HFM1: variants seen among roughly 807,000 people sequenced by gnomAD.
The protein encoded by HFM1 is helicase for meiosis 1, also known as probable ATP-dependent DNA helicase HFM1.
In HFM1, 169 loss-of-function variants were observed where a neutral mutation model predicts 192.1. That is an observed-to-expected ratio of 0.88 (90% CI 0.78 to 1.00). The LOEUF is 1.00. Ranked by LOEUF, HFM1 falls within the 50% of genes least tolerant of loss-of-function variation. The pLI is 0.00. For missense variants in HFM1, 1,661 were observed against 1,668.0 expected, an observed-to-expected ratio of 1.00 and a Z score of 0.07; for synonymous variants, 525 against 537.8, an observed-to-expected ratio of 0.98 and a Z score of 0.33.
At chr1:91,319,045 T>C (rs1481359068) in intron 25 of HFM1, 33 bp downstream of exon 25, 1 of 1,554,494 alleles carries the variant, frequency 6.4e-7, no homozygotes. Flanking sequence ...ATTGCAGACA[T>C]GGCCAAACTG....
chr1:91,379,183 A>G lies in HFM1; in HGVS notation c.1038T>C (p.Arg346=), dbSNP rs1661259936. 1 of 1,609,492 alleles carries G rather than the reference A, an allele frequency of 6.2e-7. No individual in the cohort carries two copies. The highest frequency in any genetic ancestry group is 8.5e-7 in the Non-Finnish European group (1 of 1,177,850). Residue 346 remains arginine, a synonymous_variant, in exon 9 of 39, where the codon CGT becomes CGC. Transcript: ENST00000370425. The stretch of plus-strand genomic sequence containing the variant: ...CAAATTTTTCTTTCCAGTCATCAAA[A>G]CGCTGACTGCACAAGGCTTTTATTG... The part of the protein sequence containing the change: ...MAPIKALCSQ[R]FDDWKEKFGP...
intron 34 of HFM1, among the ~76,000 whole-genome samples, chr1:91,269,412 T>G (rs1232462415): frequency 6.6e-6 from 1 of 152,202 alleles, no homozygotes; most frequent in Non-Finnish European, 1.5e-5. Flanking sequence ...CTTGAAAATT[T>G]AATAATCATC....
intron 5 of HFM1, 146 bp from the exon 6 acceptor site, chr1:91,385,380 A>C: frequency 2.6e-6 from 2 of 759,790 alleles, no homozygotes; most frequent in Non-Finnish European, 4.3e-6. Context: ...CAAAGTTAAA[A>C]ATATTTTTAG....
chr1:91,404,702 C>T (rs2102243307), intron 1 of HFM1, 96 bp downstream of exon 1: 1 of 386,936 alleles, frequency 2.6e-6, no homozygotes. Context: ...TAGAGATCGA[C>T]CGCTGCCCGG....
intron 20 of HFM1, among the ~76,000 whole-genome samples, chr1:91,338,124 C>T (rs12071846): frequency 0.017 from 2,640 of 152,214 alleles, 67 homozygotes; most frequent in African/African-American, 0.06. Context: ...ACTCTTGTCA[C>T]GGACCTCTGG....
intron 30 of HFM1, among the ~76,000 whole-genome samples, chr1:91,288,366 C>CTTTTT (rs35536576): frequency 1.5e-5 from 2 of 134,324 alleles, no homozygotes; most frequent in Non-Finnish European, 1.6e-5. Context: ...ATTCAACATT[C>CTTTTT]TTTTTTTTTT....
At chr1:91,407,646 C>G (rs1366761406), upstream of HFM1, among the ~76,000 whole-genome samples, 1 of 152,162 alleles carries the variant, frequency 6.6e-6, no homozygotes, top group African/African-American at 2.4e-5. Flanking sequence ...CATTTGTAAT[C>G]CTGGCTAAGG....
intron 10 of HFM1, 101 bp from the exon 11 acceptor site, chr1:91,378,284 A>G: frequency 1.6e-6 from 2 of 1,252,482 alleles, no homozygotes; most frequent in African/African-American, 1.5e-5. Context: ...TGAGAAAATG[A>G]GCATTTTCCA....
At chr1:91,330,696 TC>T (rs1653699726) in intron 20 of HFM1, among the ~76,000 whole-genome samples, 1 of 151,796 alleles carries the variant, frequency 6.6e-6, no homozygotes, top group Non-Finnish European at 1.5e-5. Flanking sequence ...CAAAGACATA[TC>T]AAAAAAGGGA....
At chr1:91,327,906 AT>A (rs1274259151) in intron 20 of HFM1, among the ~76,000 whole-genome samples, 5 of 152,186 alleles carry the variant, frequency 3.3e-5, no homozygotes, top group African/African-American at 1.2e-4. Context: ...AAAGTGAAAA[AT>A]TTTTTGAAAC....
At chr1:91,294,277 C>A (rs926529544) in intron 30 of HFM1, among the ~76,000 whole-genome samples, 5 of 151,650 alleles carry the variant, frequency 3.3e-5, no homozygotes, top group Admixed American at 2.0e-4. Context: ...TTCACAGGTA[C>A]CAGGGATTAG....
At chr1:91,401,215 G>A in intron 1 of HFM1, 106 bp from the exon 2 acceptor site, 2 of 584,780 alleles carry the variant, frequency 3.4e-6, no homozygotes, top group South Asian at 4.5e-5. Context: ...TATAACCACA[G>A]ACTATCCTTC....
At chr1:91,374,161 T>C (rs1571160811) in intron 13 of HFM1, among the ~76,000 whole-genome samples, 1 of 152,054 alleles carries the variant, frequency 6.6e-6, no homozygotes, top group Non-Finnish European at 1.5e-5. Flanking sequence ...GAGTAACAGT[T>C]TGGTGTATTC....
At chr1:91,392,874 G>C (rs751067113) in intron 4 of HFM1, among the ~76,000 whole-genome samples, 18 of 152,268 alleles carry the variant, frequency 1.2e-4, no homozygotes, top group Non-Finnish European at 1.6e-4. Flanking sequence ...AATCCATAGA[G>C]ATGATAGAGA....
At chr1:91,353,651 G>C (rs1571068970) in intron 13 of HFM1, among the ~76,000 whole-genome samples, 2 of 81,362 alleles carry the variant, frequency 2.5e-5, no homozygotes, top group East Asian at 3.3e-4. Flanking sequence ...TAGTAAATAA[G>C]CAAAAAAAAA....
intron 35 of HFM1, among the ~76,000 whole-genome samples, chr1:91,267,041 C>T (rs1299130299): frequency 2.0e-5 from 3 of 152,104 alleles, no homozygotes; most frequent in Admixed American, 2.0e-4. Context: ...CCAGTCTGCA[C>T]TGAGAAGGCT....
chr1:91,400,257 G>C (rs990926253), intron 2 of HFM1, among the ~76,000 whole-genome samples: 7 of 152,104 alleles, frequency 4.6e-5, no homozygotes, highest in Non-Finnish European at 8.8e-5. Context: ...CTCTAGTCTT[G>C]TTTTCTTTGG....
At chr1:91,348,777 A>G (rs1213205688) in intron 18 of HFM1, among the ~76,000 whole-genome samples, 1 of 151,962 alleles carries the variant, frequency 6.6e-6, no homozygotes, top group Non-Finnish European at 1.5e-5. Flanking sequence ...TTCAAAAGTT[A>G]GCCAGGTGTG....
At chr1:91,355,504 G>A (rs1313197373) in intron 13 of HFM1, among the ~76,000 whole-genome samples, 1 of 151,340 alleles carries the variant, frequency 6.6e-6, no homozygotes, top group Non-Finnish European at 1.5e-5. Context: ...GACACCGGCT[G>A]AAAGTTAAGG....
Sources: gnomAD v4.1 joint callset for allele counts (sites outside exome capture counted in the v4.1 genomes callset) on GRCh38, gnomAD v4.1.1 for gene constraint, MANE v1.5 for transcripts, NCBI Gene and HGNC (gene_info 2026-07-23, HGNC 2026-07-21) for gene names.